GRIK3: variants seen among roughly 807,000 people sequenced by gnomAD.
GRIK3 encodes the protein glutamate ionotropic receptor kainate type subunit 3.
GRIK3 carries 29 observed loss-of-function variants against 102.5 expected under a neutral mutation model. The ratio of observed to expected loss-of-function variants is 0.28; its 90% CI spans 0.21 to 0.39. GRIK3 has a LOEUF of 0.39. Ranked by LOEUF, GRIK3 falls within the 10% of genes least tolerant of loss-of-function variation. GRIK3 has a pLI of 1.00. For synonymous variants in GRIK3, 511 were observed against 504.9 expected (o/e 1.01, Z -0.16); for missense variants, 908 against 1,252.4 (o/e 0.73, Z 4.15).
intron 1 of GRIK3, among the ~76,000 whole-genome samples, chr1:36,983,433 G>A (rs999670136): frequency 6.6e-6 from 1 of 152,140 alleles, no homozygotes; most frequent in South Asian, 2.1e-4. Flanking sequence ...TGTAGGAGGG[G>A]TGATAACTCC....
chr1:36,914,003 G>A (rs1641373606), intron 1 of GRIK3, among the ~76,000 whole-genome samples: 1 of 152,226 alleles, frequency 6.6e-6, no homozygotes, highest in African/African-American at 2.4e-5. Context: ...TAAAGGCACA[G>A]CACAGCTTTG....
intron 2 of GRIK3, among the ~76,000 whole-genome samples, chr1:36,883,618 C>T (rs557789706): frequency 1.3e-5 from 2 of 152,184 alleles, no homozygotes; most frequent in Non-Finnish European, 2.9e-5. Flanking sequence ...AGAGGAAAGT[C>T]TGGAAGGGCA....
intron 1 of GRIK3, among the ~76,000 whole-genome samples, chr1:36,906,008 C>A (rs959497828): frequency 1.3e-5 from 2 of 152,162 alleles, no homozygotes; most frequent in Admixed American, 1.3e-4. Context: ...ATGTCTCAGC[C>A]ATTAAGACCT....
At chr1:36,907,559 T>G (rs181431257) in intron 1 of GRIK3, among the ~76,000 whole-genome samples, 1 of 151,832 alleles carries the variant, frequency 6.6e-6, no homozygotes, top group Admixed American at 6.6e-5. Context: ...ACAGAGTGAG[T>G]CAGGGCAGAG....
rs748485581 is a variant in GRIK3 at position 36,853,608 on chromosome 1, C to T, written c.1212+7G>A. ...CCGCCTGCCCTCCCTCTCCTGAGAC[C>T]ACGCACCTTCTCCAGGCCATCCTCT... On this transcript the variant is annotated splice_region_variant and intron_variant, in intron 8 of 15. Transcript: ENST00000373091. 1 of 1,588,940 alleles carries T rather than the reference C, an allele frequency of 6.3e-7. No homozygotes were observed. Among genetic ancestry groups the T allele is most frequent in the East Asian group, 2.2e-5 (1 of 44,754 alleles).
chr1:36,856,176 C>T (rs965036558), intron 7 of GRIK3, among the ~76,000 whole-genome samples: 8 of 152,260 alleles, frequency 5.3e-5, no homozygotes, highest in African/African-American at 9.6e-5. Context: ...TCCGCCTTCT[C>T]TCCTCTGTTG....
chr1:37,001,914 C>T (rs1406632183), intron 1 of GRIK3, among the ~76,000 whole-genome samples: 1 of 152,106 alleles, frequency 6.6e-6, no homozygotes, highest in African/African-American at 2.4e-5. Context: ...TGTGGAACTG[C>T]CTCAGAGGCC....
At chr1:36,927,328 A>C (rs1024811815) in intron 1 of GRIK3, among the ~76,000 whole-genome samples, 1 of 152,228 alleles carries the variant, frequency 6.6e-6, no homozygotes, top group Non-Finnish European at 1.5e-5. Context: ...AGTGGAAAAG[A>C]TGCATTGAAT....
At chr1:36,942,375 G>A (rs889272774) in intron 1 of GRIK3, among the ~76,000 whole-genome samples, 1 of 152,252 alleles carries the variant, frequency 6.6e-6, no homozygotes, top group Non-Finnish European at 1.5e-5. Flanking sequence ...ACCCTTCACA[G>A]AGATGGGTCT....
chr1:37,003,912 C>T (rs1274010117), intron 1 of GRIK3, among the ~76,000 whole-genome samples: 1 of 152,146 alleles, frequency 6.6e-6, no homozygotes, highest in Non-Finnish European at 1.5e-5. Context: ...GGATGCTGCC[C>T]CACTGCAGAA....
rs79778959 is a variant in GRIK3, at chr1:36,941,591, G to A, written c.116-50495C>T. Among the ~76,000 whole-genome samples, 727 of 152,204 alleles carry A rather than the reference G, an allele frequency of 4.8e-3. 7 individuals are homozygous for A. The highest frequency in any genetic ancestry group is 0.016 in the African/African-American group (685 of 41,520). On this transcript the variant is annotated intron_variant, in intron 1 of 15. Coordinates refer to ENST00000373091, the MANE Select transcript of GRIK3 (RefSeq NM_000831.4). ...GCTGTATAAAGGCGCCCCTCCCACC[G>A]TGGCTATGGTCTACTTTGACACTGT... is the stretch of plus-strand genomic sequence containing the variant.
In GRIK3 at chr1:36,854,253, G is replaced by A. The variant is rs147671169; in HGVS notation, c.1105-531C>T. ...ATGCTGGGTCCAACCACAATTAGCC[G>A]TGCGACCTTGGGTATTTCATTTTAC... is the stretch of plus-strand genomic sequence containing the variant. On this transcript the variant is annotated intron_variant, in intron 7 of 15. Coordinates refer to ENST00000373091, the MANE Select transcript of GRIK3 (RefSeq NM_000831.4). Among the ~76,000 whole-genome samples, 11 of 152,272 alleles carry A rather than the reference G, an allele frequency of 7.2e-5. No individual in the cohort carries two copies. The East Asian group carries it at 1.4e-3, about 19-fold the overall frequency.
intron 9 of GRIK3, among the ~76,000 whole-genome samples, chr1:36,846,616 G>T (rs1417389931): frequency 6.6e-6 from 1 of 152,174 alleles, no homozygotes; most frequent in Non-Finnish European, 1.5e-5. Flanking sequence ...TCAGCAGGAG[G>T]TGCTGGCCCT....
rs550382258 is a variant in GRIK3 at position 36,861,996 on chromosome 1, C to T, written c.787-1979G>A. On this transcript the variant is annotated intron_variant, in intron 5 of 15. Transcript: ENST00000373091. ...GGACTCCATGGCTTCATCTTCACAG[C>T]CCCCTGTGAAGTAGGCATTGAATAG... 1.8e-4 allele frequency among the ~76,000 whole-genome samples: 28 copies of T among 152,168 alleles called. 1 individual carries two copies. The South Asian group carries it at 3.5e-3, about 19-fold the overall frequency.
At chr1:36,839,093 C>T (rs1640417122) in intron 10 of GRIK3, among the ~76,000 whole-genome samples, 1 of 152,256 alleles carries the variant, frequency 6.6e-6, no homozygotes, top group East Asian at 1.9e-4. Flanking sequence ...AGCTGTGGGG[C>T]CACTGGAGAT....
At chr1:36,908,272 C>T (rs1403403800) in intron 1 of GRIK3, among the ~76,000 whole-genome samples, 2 of 152,230 alleles carry the variant, frequency 1.3e-5, no homozygotes, top group African/African-American at 4.8e-5. Context: ...ACAGGGGTGA[C>T]ATTACTGGGG....
chr1:36,902,049 A>T (rs145631193), intron 1 of GRIK3, among the ~76,000 whole-genome samples: 2 of 152,332 alleles, frequency 1.3e-5, no homozygotes, highest in Non-Finnish European at 2.9e-5. Context: ...ATTTGAGGTA[A>T]AACTCACAAC....
chr1:36,923,851 T>C (rs1641498686), intron 1 of GRIK3, among the ~76,000 whole-genome samples: 1 of 152,018 alleles, frequency 6.6e-6, no homozygotes, highest in East Asian at 1.9e-4. Flanking sequence ...AAAGGCACTC[T>C]CCTATGTGTC....
At position 36,825,806 on chromosome 1, in the gene GRIK3, G is replaced by A. The variant is rs547467325; in HGVS notation, c.1551C>T (p.Ala517=). Residue 517 remains alanine (A), a synonymous_variant, in exon 11 of 16, where the codon GCC becomes GCT. Transcript: ENST00000373091. ...LIDHKADLAV[A]PLTITHVREK... ...CTCGAACATGGGTGATGGTCAGGGGGGCCACGGCCAGATCTGCCTTCTGCA... is the reference window on the plus strand; with the variant it reads ...CTCGAACATGGGTGATGGTCAGGGGAGCCACGGCCAGATCTGCCTTCTGCA... 5.0e-6 allele frequency: 8 copies of A among 1,610,854 alleles called. No individual in the cohort carries two copies. The highest frequency in any genetic ancestry group is 1.7e-5 in the Admixed American group (1 of 59,626).
Sources: gnomAD v4.1 joint callset for allele counts (sites outside exome capture counted in the v4.1 genomes callset) on GRCh38, gnomAD v4.1.1 for gene constraint, MANE v1.5 for transcripts, NCBI Gene and HGNC (gene_info 2026-07-23, HGNC 2026-07-21) for gene names.